CADPS: variants seen among roughly 807,000 people sequenced by gnomAD.
CADPS encodes calcium dependent secretion activator.
CADPS carries 57 observed loss-of-function variants against 167.3 expected under a neutral mutation model. That is an observed-to-expected ratio of 0.34 (90% CI 0.28 to 0.42). The LOEUF is 0.42. Among genes scored for constraint, CADPS ranks in the 20% least tolerant of loss-of-function variants. The pLI, the probability that CADPS is intolerant of heterozygous loss-of-function variation, is 1.00. For synonymous variants in CADPS, 676 were observed against 635.3 expected (o/e 1.06, Z -0.96); for missense variants, 1,414 against 1,738.1 (o/e 0.81, Z 3.32).
intron 1 of CADPS, among the ~76,000 whole-genome samples, chr3:62,840,096 C>T (rs1182257419): frequency 6.6e-6 from 1 of 152,102 alleles, no homozygotes; most frequent in Non-Finnish European, 1.5e-5. Context: ...TCATGGACTG[C>T]TTCATAAACT....
intron 1 of CADPS, among the ~76,000 whole-genome samples, chr3:62,843,500 T>C (rs1416707665): frequency 7.9e-6 from 1 of 126,130 alleles, no homozygotes; most frequent in African/African-American, 3.0e-5. Flanking sequence ...GGGGTGTGTG[T>C]GTGTGTGTGT....
At chr3:62,729,350 T>G (rs1238189076) in intron 3 of CADPS, among the ~76,000 whole-genome samples, 9 of 151,858 alleles carry the variant, frequency 5.9e-5, no homozygotes, top group African/African-American at 2.2e-4. Flanking sequence ...AGTGGAAGGA[T>G]AGAAGGCATT....
At chr3:62,754,789 GTTATTA>G (rs1276421134) in intron 2 of CADPS, among the ~76,000 whole-genome samples, 1 of 152,118 alleles carries the variant, frequency 6.6e-6, no homozygotes, top group Non-Finnish European at 1.5e-5. Context: ...ACTTGTTGCT[GTTATTA>G]TTATTATATG....
rs1483505957 is a variant in CADPS at position 62,550,178 on chromosome 3, G to A, written c.1754-63C>T. 5 of 1,389,708 alleles carry A rather than the reference G, an allele frequency of 3.6e-6. No homozygotes were observed. The East Asian group carries it at 9.2e-5, about 26-fold the overall frequency. 86.1% of individuals were successfully genotyped at this position (1,389,708 alleles called of 1,614,324 possible). A position where few individuals can be genotyped will look rare whatever the true frequency, so the allele number is the denominator to read the frequency against. ...GCTGTGATGTTCTCAACTGGACTCA[G>A]CCTTTGAAAAAGCAGTTTCTGCTGC... On this transcript the variant is annotated intron_variant, in intron 10 of 29. Transcript: ENST00000383710.
At chr3:62,536,111 C>T (rs1263196872) in intron 12 of CADPS, 2 of 216,328 alleles carry the variant, frequency 9.2e-6, no homozygotes, top group Non-Finnish European at 1.9e-5. Flanking sequence ...GCATCTTAAA[C>T]TCTAAGCTAC....
intron 3 of CADPS, among the ~76,000 whole-genome samples, chr3:62,701,596 A>G (rs886252343): frequency 3.6e-5 from 5 of 137,688 alleles, no homozygotes; most frequent in African/African-American, 1.3e-4. Context: ...TGACAGAACA[A>G]GACTCAGTCT....
intron 6 of CADPS, among the ~76,000 whole-genome samples, chr3:62,637,551 T>C (rs910870181): frequency 2.0e-5 from 3 of 152,238 alleles, no homozygotes; most frequent in African/African-American, 7.2e-5. Flanking sequence ...ACACCTGTGC[T>C]GGTGTGTGCG....
At chr3:62,817,920 G>C (rs1296067809) in intron 1 of CADPS, among the ~76,000 whole-genome samples, 2 of 152,120 alleles carry the variant, frequency 1.3e-5, no homozygotes, top group African/African-American at 4.8e-5. Flanking sequence ...AAGAAAAACA[G>C]GATGTGGTTT....
At chr3:62,742,226 A>G (rs147718689) in intron 3 of CADPS, among the ~76,000 whole-genome samples, 6 of 152,314 alleles carry the variant, frequency 3.9e-5, no homozygotes, top group African/African-American at 9.6e-5. Context: ...ATTCAATGCT[A>G]TTCCTATTAA....
rs186313205 is a variant in CADPS at position 62,456,167 on chromosome 3, T to A, written c.3636+9200A>T. On this transcript the variant is annotated intron_variant, in intron 26 of 29. Transcript: ENST00000383710. ...GGTTTCAGTTTCCGCAACTGCAAAA[T>A]GGAGTGGCTAGAAAGTATCAGTACT... 4.1e-3 allele frequency among the ~76,000 whole-genome samples: 625 copies of A among 152,282 alleles called. 4 individuals are homozygous for A. Among genetic ancestry groups the A allele is most frequent in the Middle Eastern group, 6.8e-3 (2 of 294 alleles).
At chr3:62,846,915 G>A (rs1188595625) in intron 1 of CADPS, among the ~76,000 whole-genome samples, 2 of 152,122 alleles carry the variant, frequency 1.3e-5, no homozygotes, top group African/African-American at 2.4e-5. Flanking sequence ...TGATCCACCT[G>A]CCTCGGCCTC....
intron 1 of CADPS, among the ~76,000 whole-genome samples, chr3:62,810,647 GAATT>G (rs1323932259): frequency 4.6e-5 from 7 of 152,152 alleles, no homozygotes; most frequent in Non-Finnish European, 7.3e-5. Flanking sequence ...TTCTGTAGCA[GAATT>G]AATCCATGTC....
intron 1 of CADPS, among the ~76,000 whole-genome samples, chr3:62,790,206 T>G (rs2092812088): frequency 6.6e-6 from 1 of 152,164 alleles, no homozygotes; most frequent in Non-Finnish European, 1.5e-5. Context: ...TTTTTATAAA[T>G]TATGGACACA....
rs982371397 is a variant in CADPS at position 62,398,875 on chromosome 3, T to C, written c.*531A>G. On this transcript the variant is annotated 3_prime_UTR_variant, in exon 30 of 30. Coordinates refer to ENST00000383710, the MANE Select transcript of CADPS (RefSeq NM_003716.4). ...AACAACGACACAAGGGGTTCATTTT[T>C]TGGTTTTAGGGGAACAGAAAGCATC... 6.6e-6 allele frequency: 1 copy of C among 152,260 alleles called. No individual in the cohort carries two copies. Among genetic ancestry groups the C allele is most frequent in the African/African-American group, 2.4e-5 (1 of 41,458 alleles). 9.4% of individuals were successfully genotyped at this position (152,260 alleles called of 1,614,324 possible).
At chr3:62,453,929 C>T (rs189607015) in intron 26 of CADPS, among the ~76,000 whole-genome samples, 2 of 152,214 alleles carry the variant, frequency 1.3e-5, no homozygotes, top group Admixed American at 6.5e-5. Context: ...CATCATGAGG[C>T]CATTGTCCGT....
rs566422647 is a variant in CADPS at position 62,854,832 on chromosome 3, T to C, written c.441+19757A>G. 7.2e-5 allele frequency among the ~76,000 whole-genome samples: 11 copies of C among 152,330 alleles called. No homozygotes were observed. The South Asian group carries it at 1.0e-3, about 14-fold the overall frequency. ...ATGGAGTGCTAGTTTTCTAAACTTT[T>C]TTAAAAAGTTGACTGTCCTTTATAT... On this transcript the variant is annotated intron_variant, in intron 1 of 29. Coordinates refer to ENST00000383710, the MANE Select transcript of CADPS (RefSeq NM_003716.4).
chr3:62,810,910 G>C (rs941914959), intron 1 of CADPS, among the ~76,000 whole-genome samples: 3 of 152,224 alleles, frequency 2.0e-5, no homozygotes, highest in Non-Finnish European at 4.4e-5. Flanking sequence ...CAGTTAAGCT[G>C]AGCTTTCTTT....
At chr3:62,474,151 G>GTGTTTTTTTTTTTTT in intron 24 of CADPS, 22 bp downstream of exon 24, 1 of 496,850 alleles carries the variant, frequency 2.0e-6, no homozygotes, top group South Asian at 2.8e-5. Context: ...AAAAAAATCT[G>GTGTTTTTTTTTTTTT]TATTTTTTTT....
intron 17 of CADPS, among the ~76,000 whole-genome samples, chr3:62,505,534 C>T (rs1284943241): frequency 1.3e-5 from 2 of 152,168 alleles, no homozygotes; most frequent in African/African-American, 4.8e-5. Flanking sequence ...TTGCTAAAGC[C>T]TCCAAGGCAG....
Sources: gnomAD v4.1 joint callset for allele counts (sites outside exome capture counted in the v4.1 genomes callset) on GRCh38, gnomAD v4.1.1 for gene constraint, MANE v1.5 for transcripts, NCBI Gene and HGNC (gene_info 2026-07-23, HGNC 2026-07-21) for gene names.